The following MRTFB variants were observed in gnomAD, a reference collection of about 807,000 sequenced individuals.
MRTFB encodes the protein myocardin-related transcription factor B.
Under a neutral mutation model 104.2 loss-of-function variants are expected in MRTFB, and 29 were observed. The observed-to-expected ratio is 0.28, with a 90% confidence interval of 0.21 to 0.38. The LOEUF (loss-of-function observed/expected upper bound fraction) is 0.38, where lower values mean the gene tolerates loss of function less well. Ranked by LOEUF, MRTFB falls within the 10% of genes least tolerant of loss-of-function variation. The probability of loss-of-function intolerance (pLI) is 1.00; values close to 1 mark genes in which losing one functional copy is unlikely to be tolerated. For missense variants in MRTFB, 1,270 were observed against 1,341.6 expected, an observed-to-expected ratio of 0.95 and a Z score of 0.83; for synonymous variants, 535 against 519.5, an observed-to-expected ratio of 1.03 and a Z score of -0.41.
At chr16:14,235,899 A>C (rs1453868076) in intron 9 of MRTFB, among the ~76,000 whole-genome samples, 1 of 152,260 alleles carries the variant, frequency 6.6e-6, no homozygotes, top group East Asian at 1.9e-4. Flanking sequence ...TAAAATGTAT[A>C]GCCAGGTGCA....
At chr16:14,225,934 A>T (rs935658362) in intron 8 of MRTFB, among the ~76,000 whole-genome samples, 2 of 152,126 alleles carry the variant, frequency 1.3e-5, no homozygotes, top group Non-Finnish European at 2.9e-5. Context: ...TTGTGTAAAG[A>T]CCTTACTGCA....
At chr16:14,069,848 C>G (rs146008668), upstream of MRTFB, among the ~76,000 whole-genome samples, 277 of 152,270 alleles carry the variant, frequency 1.8e-3, no homozygotes, top group African/African-American at 6.2e-3. Flanking sequence ...GTTGGGAGGG[C>G]TAAATAAATT....
chr16:14,046,449 G>A, the MRTFB span, among the ~76,000 whole-genome samples: 1 of 152,128 alleles, frequency 6.6e-6, no homozygotes, highest in African/African-American at 2.4e-5. Context: ...TGACCTCTGA[G>A]TGGCTTTCAT....
the MRTFB span, among the ~76,000 whole-genome samples, chr16:14,034,744 A>C: frequency 2.6e-5 from 4 of 151,758 alleles, no homozygotes; most frequent in Admixed American, 6.6e-5. Flanking sequence ...CCCATTCTTG[A>C]CCCTATCTTG....
At position 14,245,771 on chromosome 16, in the gene MRTFB, C is replaced by T. The variant is rs2042985033; in HGVS notation, c.1212+111C>T. The T allele has an allele frequency of 4.3e-6, 5 of 1,169,672 alleles. No homozygotes were observed. The South Asian group carries it at 6.7e-5, about 16-fold the overall frequency. 72.5% of individuals were successfully genotyped at this position (1,169,672 alleles called of 1,614,324 possible). On this transcript the variant is annotated intron_variant, in intron 11 of 16. Coordinates refer to ENST00000571589, the MANE Select transcript of MRTFB (RefSeq NM_001308142.2). ...AGTTTTCAGTAGACATTCAACTTTA[C>T]CAACAATATGATAATCTTTATAAAA...
the MRTFB span, among the ~76,000 whole-genome samples, chr16:14,006,132 C>G: frequency 3.3e-4 from 51 of 152,252 alleles, no homozygotes; most frequent in African/African-American, 1.2e-3. Context: ...CACCTGAGAT[C>G]AAGAGTTCGA....
At chr16:14,155,754 C>T (rs763946675) in intron 3 of MRTFB, among the ~76,000 whole-genome samples, 1 of 152,130 alleles carries the variant, frequency 6.6e-6, no homozygotes. Flanking sequence ...GCAGTTCGAA[C>T]GTTTCCCGAC....
intron 3 of MRTFB, among the ~76,000 whole-genome samples, chr16:14,164,327 C>G (rs1048006647): frequency 6.6e-6 from 1 of 152,194 alleles, no homozygotes; most frequent in Non-Finnish European, 1.5e-5. Context: ...CAGTATTTGT[C>G]TTTCATGCCT....
Position 14,151,319 on chromosome 16 carries a change from ACTTTTT to A in MRTFB, c.154+10563_154+10568del, listed in dbSNP as rs1315567123. ...ATTTTATACATTCACAACATACCTAACTTTTTCTTAATTCTTTTGATATTTCTAGGC... is the reference window on the plus strand; with the variant it reads ...ATTTTATACATTCACAACATACCTAACTTAATTCTTTTGATATTTCTAGGC... On this transcript the variant is annotated intron_variant, in intron 3 of 16. Coordinates refer to ENST00000571589, the MANE Select transcript of MRTFB (RefSeq NM_001308142.2). 4 of 152,304 alleles carry A rather than the reference ACTTTTT, an allele frequency of 2.6e-5. No homozygotes were observed. In the East Asian group the frequency reaches 7.7e-4, roughly 29 times the overall value. 9.4% of individuals were successfully genotyped at this position (152,304 alleles called of 1,614,324 possible).
Position 14,246,994 on chromosome 16 carries a change from G to T in MRTFB, c.1734G>T (p.Glu578Asp). ...AGGATCGCAAGCTTCAGGAGAAAGA[G>T]AAGCAAATCGAAGAGCTGAAGAGGA... is the stretch of plus-strand genomic sequence containing the variant. ...AEKDRKLQEK[E>D]KQIEELKRKL... The change falls in exon 12 of 17, where the codon GAG becomes GAT. Residue 578 changes from glutamate (E) to aspartate (D), a missense_variant. By Grantham distance (45) the Glu-to-Asp change is conservative. Transcript: ENST00000571589. 1 of 1,614,230 alleles carries T rather than the reference G, an allele frequency of 6.2e-7. No individual in the cohort carries two copies. The highest frequency in any genetic ancestry group is 8.5e-7 in the Non-Finnish European group (1 of 1,180,052).
intron 3 of MRTFB, among the ~76,000 whole-genome samples, chr16:14,172,924 GT>G (rs2039470025): frequency 6.6e-6 from 1 of 151,948 alleles, no homozygotes; most frequent in South Asian, 2.1e-4. Context: ...ATGTTTTTGG[GT>G]TTTTCCTTTA....
At chr16:14,210,221 G>A in intron 3 of MRTFB, 22 bp from the exon 4 acceptor site, 1 of 1,605,986 alleles carries the variant, frequency 6.2e-7, no homozygotes, top group South Asian at 1.1e-5. Flanking sequence ...AAACTCCAAT[G>A]GTGATTATTT....
chr16:14,061,847 T>C, the MRTFB span, among the ~76,000 whole-genome samples: 1 of 152,094 alleles, frequency 6.6e-6, no homozygotes, highest in Non-Finnish European at 1.5e-5. Flanking sequence ...GATTTTAAAA[T>C]TGCACAGAAT....
chr16:14,143,992 G>C (rs890405403), intron 3 of MRTFB: 1 of 152,172 alleles, frequency 6.6e-6, no homozygotes, highest in African/African-American at 2.4e-5. Flanking sequence ...GTTTTAAAAA[G>C]CAGTTTTTAA....
intron 8 of MRTFB, 49 bp downstream of exon 8, chr16:14,219,047 T>C (rs1274949088): frequency 4.6e-6 from 7 of 1,511,366 alleles, no homozygotes; most frequent in Non-Finnish European, 6.2e-6. Flanking sequence ...TGCCTTGTTT[T>C]TTTTTAATAT....
intron 3 of MRTFB, among the ~76,000 whole-genome samples, chr16:14,207,404 G>A (rs1351823570): frequency 6.6e-6 from 1 of 152,202 alleles, no homozygotes; most frequent in East Asian, 1.9e-4. Context: ...ATGTATATGT[G>A]TTCTTTGTCT....
At position 14,124,596 on chromosome 16, in the gene MRTFB, T is replaced by C. The variant is rs139757489; in HGVS notation, c.-63-15948T>C. On this transcript the variant is annotated intron_variant, in intron 2 of 16. Coordinates refer to ENST00000571589, the MANE Select transcript of MRTFB (RefSeq NM_001308142.2). The stretch of plus-strand genomic sequence containing the variant: ...TGATTTGCATATGTTGAACCAGCCT[T>C]GCATCCCAGGGATGAAGCCGACTCG... Among the ~76,000 whole-genome samples the C allele has an allele frequency of 9.1e-3, 1,385 of 152,348 alleles. 15 individuals are homozygous for C. The highest frequency in any genetic ancestry group is 0.019 in the South Asian group (94 of 4,828).
chr16:14,220,068 T>C (rs2041615938), intron 8 of MRTFB, among the ~76,000 whole-genome samples: 1 of 152,186 alleles, frequency 6.6e-6, no homozygotes, highest in Non-Finnish European at 1.5e-5. Flanking sequence ...TGTGGATGGC[T>C]ACAGTTCCGA....
At chr16:14,140,803 C>A in intron 3 of MRTFB, 43 bp downstream of exon 3, 1 of 1,611,374 alleles carries the variant, frequency 6.2e-7, no homozygotes, top group Non-Finnish European at 8.5e-7. Flanking sequence ...TTAAAGATTT[C>A]CCCTCTTTGG....
Sources: gnomAD v4.1 joint callset for allele counts (sites outside exome capture counted in the v4.1 genomes callset) on GRCh38, gnomAD v4.1.1 for gene constraint, MANE v1.5 for transcripts, NCBI Gene and HGNC (gene_info 2026-07-23, HGNC 2026-07-21) for gene names.